MTHFD1L: variants seen among roughly 807,000 people sequenced by gnomAD.
MTHFD1L encodes the protein monofunctional C1-tetrahydrofolate synthase, mitochondrial.
MTHFD1L carries 81 observed loss-of-function variants against 119.5 expected under a neutral mutation model. The ratio of observed to expected loss-of-function variants is 0.68; its 90% confidence interval spans 0.57 to 0.82. MTHFD1L has a LOEUF of 0.82. Among genes scored for constraint, MTHFD1L ranks in the 40% least tolerant of loss-of-function variants. The probability of loss-of-function intolerance (pLI) is 0.00; values close to 1 mark genes in which losing one functional copy is unlikely to be tolerated. For synonymous variants in MTHFD1L, 430 were observed against 475.2 expected (o/e 0.90, Z 1.24); for missense variants, 1,125 against 1,253.4 (o/e 0.90, Z 1.55).
In MTHFD1L at chr6:151,009,836, G is replaced by A. The variant is rs772760994; in HGVS notation, c.2143G>A (p.Gly715Ser). 6.2e-7 allele frequency: 1 copy of A among 1,613,902 alleles called. No individual in the cohort carries two copies. Among genetic ancestry groups the A allele is most frequent in the Non-Finnish European group, 8.5e-7 (1 of 1,179,922 alleles). ...EGFVVTEAGFGADIGMEKFFN... is the reference protein window; with the variant it reads ...EGFVVTEAGFSADIGMEKFFN... ...CCCCACAGTGACCGAAGCTGGCTTT[G>A]GTGCTGACATCGGAATGGAGAAATT... is the stretch of plus-strand genomic sequence containing the variant. The change falls in exon 21 of 28, where the codon GGT (glycine) becomes AGT (serine). Residue 715 changes from glycine (G) to serine (S), a missense_variant. By Grantham distance (56) the Gly-to-Ser change is moderately conservative. This residue lies in a region of MTHFD1L where 1,058 missense variants were observed against 1,151.2 expected (regional missense o/e 0.92). Coordinates refer to ENST00000367321, the MANE Select transcript of MTHFD1L (RefSeq NM_015440.5).
chr6:150,978,858 C>T (rs935235927), intron 20 of MTHFD1L, among the ~76,000 whole-genome samples: 1 of 152,112 alleles, frequency 6.6e-6, no homozygotes, highest in African/African-American at 2.4e-5. Context: ...GAGGGCTCCT[C>T]CTCGCCAAAG....
At chr6:150,867,384 A>G (rs77041613) in intron 1 of MTHFD1L, among the ~76,000 whole-genome samples, 17,888 of 152,170 alleles carry the variant, frequency 0.12, 1,100 homozygotes, top group Middle Eastern at 0.18. Flanking sequence ...ATAGAGACAG[A>G]GCACCACTCT....
intron 16 of MTHFD1L, among the ~76,000 whole-genome samples, chr6:150,950,399 G>C (rs1178915637): frequency 6.6e-6 from 1 of 152,206 alleles, no homozygotes; most frequent in Non-Finnish European, 1.5e-5. Flanking sequence ...AATCCACCCA[G>C]CCAGTCCATT....
intron 20 of MTHFD1L, among the ~76,000 whole-genome samples, chr6:150,992,320 T>G (rs76126128): frequency 0.025 from 3,776 of 152,280 alleles, 147 homozygotes; most frequent in African/African-American, 0.087. Flanking sequence ...ATCTGTTACA[T>G]TTTTGAAAAA....
chr6:150,960,444 G>A, intron 18 of MTHFD1L, 29 bp downstream of exon 18: 1 of 1,583,948 alleles, frequency 6.3e-7, no homozygotes, highest in East Asian at 2.3e-5. Flanking sequence ...GAAGCTTCAG[G>A]GAGTGGACGG....
intron 26 of MTHFD1L, chr6:151,041,966 G>T (rs570681925): frequency 2.3e-5 from 8 of 351,100 alleles, no homozygotes; most frequent in Non-Finnish European, 3.5e-5. Context: ...ATAGGCCAGG[G>T]TTTTTTTTTC....
intron 8 of MTHFD1L, among the ~76,000 whole-genome samples, chr6:150,911,515 G>A (rs868781764): frequency 6.6e-6 from 1 of 152,000 alleles, no homozygotes; most frequent in Non-Finnish European, 1.5e-5. Context: ...ACACTTCCAC[G>A]GACTGTACAG....
At chr6:150,873,070 AC>A (rs1779807381) in intron 1 of MTHFD1L, among the ~76,000 whole-genome samples, 1 of 152,070 alleles carries the variant, frequency 6.6e-6, no homozygotes, top group Non-Finnish European at 1.5e-5. Context: ...TAATTCCAGC[AC>A]TTTGGGAGGC....
chr6:151,052,962 C>T (rs974268511), intron 26 of MTHFD1L, among the ~76,000 whole-genome samples: 4 of 152,156 alleles, frequency 2.6e-5, no homozygotes, highest in African/African-American at 7.2e-5. Context: ...ACTGAGATCG[C>T]CCGTCGTGGG....
At chr6:151,001,693 G>T (rs1369222204) in intron 20 of MTHFD1L, among the ~76,000 whole-genome samples, 4 of 152,088 alleles carry the variant, frequency 2.6e-5, no homozygotes, top group Admixed American at 2.0e-4. Context: ...GGATTGCAGC[G>T]CCAGTGTTCT....
chr6:151,072,953 T>C (rs187613406), intron 26 of MTHFD1L, among the ~76,000 whole-genome samples: 1 of 152,080 alleles, frequency 6.6e-6, no homozygotes, highest in Admixed American at 6.6e-5. Context: ...ACAAAGTATA[T>C]GAAAAATACA....
intron 5 of MTHFD1L, among the ~76,000 whole-genome samples, chr6:150,883,649 A>G (rs1372553480): frequency 1.3e-5 from 2 of 152,180 alleles, no homozygotes; most frequent in African/African-American, 4.8e-5. Context: ...TTGGAGGGGA[A>G]CATCATAACT....
At chr6:150,932,861 T>G (rs1429336224) in intron 11 of MTHFD1L, among the ~76,000 whole-genome samples, 1 of 113,836 alleles carries the variant, frequency 8.8e-6, no homozygotes, top group Non-Finnish European at 1.8e-5. Context: ...AGTAATTAGA[T>G]TACCTTAAGG....
intron 20 of MTHFD1L, among the ~76,000 whole-genome samples, chr6:150,975,760 G>A (rs941356481): frequency 6.6e-6 from 1 of 152,152 alleles, no homozygotes; most frequent in Non-Finnish European, 1.5e-5. Context: ...ATGAAATGGT[G>A]CCCATGTAGC....
At chr6:150,898,882 G>A (rs1214710531) in intron 7 of MTHFD1L, 6 of 461,762 alleles carry the variant, frequency 1.3e-5, no homozygotes, top group Non-Finnish European at 2.1e-5. Flanking sequence ...TCTGTCACCA[G>A]GCTGGAGTGC....
At position 151,004,008 on chromosome 6, in the gene MTHFD1L, TAAA is replaced by T. The variant is rs397886081; in HGVS notation, c.2126-5794_2126-5792del. 3.4e-3 allele frequency among the ~76,000 whole-genome samples: 431 copies of T among 126,038 alleles called. 3 individuals carry two copies. The highest frequency in any genetic ancestry group is 0.011 in the African/African-American group (382 of 34,460). 82.7% of individuals were successfully genotyped at this position (126,038 alleles called of 152,430 possible). On this transcript the variant is annotated intron_variant, in intron 20 of 27. Transcript: ENST00000367321. Reference sequence around the variant, plus strand: ...AAGTGAGGATGTTAATGCTTTTTTTTAAAAAAAAAAAAAAAAAAAGAGAGAGAG... The same window carrying T: ...AAGTGAGGATGTTAATGCTTTTTTTTAAAAAAAAAAAAAAAAGAGAGAGAG...
Position 150,985,518 on chromosome 6 carries a change from G to T in MTHFD1L, c.2125+13460G>T, listed in dbSNP as rs755791155. ...TCTACTAAAAATACAAAAATTAGCC[G>T]GGCTTGGTAGCATGCATTTGTAATC... On this transcript the variant is annotated intron_variant, in intron 20 of 27. Transcript: ENST00000367321. Among the ~76,000 whole-genome samples, 6 of 151,904 alleles carry T rather than the reference G, an allele frequency of 3.9e-5. No individual in the cohort carries two copies. The East Asian group carries it at 9.7e-4, about 25-fold the overall frequency.
chr6:150,933,425 A>C (rs563260254), intron 11 of MTHFD1L, among the ~76,000 whole-genome samples: 6 of 151,970 alleles, frequency 3.9e-5, no homozygotes, highest in Non-Finnish European at 8.8e-5. Flanking sequence ...GTTGTATCCA[A>C]GAAAACAGAA....
chr6:150,871,047 A>ATAATATATATACCT lies in MTHFD1L; in HGVS notation c.227+5017_228-5011dup, dbSNP rs1293540654. On this transcript the variant is annotated intron_variant, in intron 1 of 27. Transcript: ENST00000367321. ...ATACCTTAATTTATATATATACCTT[A>ATAATATATATACCT]TAATATATATACCTTAATATATATA... is the stretch of plus-strand genomic sequence containing the variant. Among the ~76,000 whole-genome samples the ATAATATATATACCT allele has an allele frequency of 3.9e-4, 56 of 145,234 alleles. No homozygotes were observed. The East Asian group carries it at 6.3e-3, about 16-fold the overall frequency.
Sources: allele counts gnomAD v4.1 joint callset (sites outside exome capture counted in the v4.1 genomes callset), GRCh38; gene constraint gnomAD v4.1.1; regional missense constraint gnomAD v4.1.1; transcripts MANE v1.5; gene names NCBI Gene and HGNC (gene_info 2026-07-23, HGNC 2026-07-21).